Variants in LRIG1 observed in about 807,000 individuals in gnomAD.
The protein encoded by LRIG1 is leucine rich repeats and immunoglobulin like domains 1.
In LRIG1, 48 loss-of-function variants were observed where a neutral mutation model predicts 99.2. The observed-to-expected ratio is 0.48, with a 90% CI of 0.38 to 0.62. The LOEUF (loss-of-function observed/expected upper bound fraction) is 0.62. Ranked by LOEUF, LRIG1 falls within the 20% of genes least tolerant of loss-of-function variation. The pLI, the probability that LRIG1 is intolerant of heterozygous loss-of-function variation, is 0.00. For synonymous variants in LRIG1, 772 were observed against 596.1 expected (o/e 1.29, Z -4.30); for missense variants, 1,646 against 1,434.4 (o/e 1.15, Z -2.38).
intron 1 of LRIG1, among the ~76,000 whole-genome samples, chr3:66,481,524 C>CAA (rs1304994431): frequency 1.4e-5 from 2 of 140,876 alleles, no homozygotes; most frequent in African/African-American, 6.5e-5. Flanking sequence ...TTTATGTACA[C>CAA]ACACACACAC....
rs531419157 is a variant in LRIG1, at chr3:66,481,554, C to T, written c.218+18636G>A. ...ACACACACACACGTGTATACACACA[C>T]GCATGCACACAGAATTAAGTATTTC... On this transcript the variant is annotated intron_variant, in intron 1 of 18. Coordinates refer to ENST00000273261, the MANE Select transcript of LRIG1 (RefSeq NM_015541.3). Among the ~76,000 whole-genome samples, 135 of 152,232 alleles carry T rather than the reference C, an allele frequency of 8.9e-4. 1 individual carries two copies. Among genetic ancestry groups the T allele is most frequent in the Non-Finnish European group, 1.6e-3 (111 of 68,024 alleles).
intron 5 of LRIG1, 95 bp downstream of exon 5, chr3:66,414,825 A>T: frequency 8.0e-7 from 1 of 1,242,754 alleles, no homozygotes; most frequent in South Asian, 2.0e-5. Flanking sequence ...CAAATGGAGC[A>T]AGGAAAGGGT....
chr3:66,396,846 C>G (rs1236178480), intron 11 of LRIG1, among the ~76,000 whole-genome samples: 1 of 152,230 alleles, frequency 6.6e-6, no homozygotes, highest in African/African-American at 2.4e-5. Context: ...CTTCTACAAC[C>G]AATGTTTCAT....
chr3:66,422,638 T>C (rs541752061), intron 3 of LRIG1, among the ~76,000 whole-genome samples: 2 of 152,342 alleles, frequency 1.3e-5, no homozygotes, highest in South Asian at 4.1e-4. Flanking sequence ...TTCCCACATC[T>C]TCCTGCCTTC....
In LRIG1 at chr3:66,379,418, A is replaced by G. The variant is rs529960014; in HGVS notation, c.*845T>C. 6.6e-6 allele frequency: 1 copy of G among 152,334 alleles called. No individual in the cohort carries two copies. Among genetic ancestry groups the G allele is most frequent in the Middle Eastern group, 3.4e-3 (1 of 294 alleles). The allele number at this position is 152,334 out of a possible 1,614,324, so 9.4% of individuals were successfully genotyped here. A position where few individuals can be genotyped will look rare whatever the true frequency, so the allele number is the denominator to read the frequency against. ...TATAGAAAAATCCACAGGTACCAAC[A>G]CCAGCAGCCTTTACCTTAATTTAAA... On this transcript the variant is annotated 3_prime_UTR_variant, in exon 19 of 19. Transcript: ENST00000273261.
chr3:66,418,083 T>C (rs533374768), intron 3 of LRIG1, among the ~76,000 whole-genome samples: 1 of 151,540 alleles, frequency 6.6e-6, no homozygotes, highest in East Asian at 1.9e-4. Flanking sequence ...TTGTGTTTTT[T>C]TTTTGTTTTG....
At chr3:66,470,124 T>C (rs755128687) in intron 1 of LRIG1, among the ~76,000 whole-genome samples, 3 of 152,134 alleles carry the variant, frequency 2.0e-5, no homozygotes, top group Admixed American at 6.5e-5. Flanking sequence ...TTGAAAATAA[T>C]CGGAGGGCCA....
chr3:66,428,603 G>A (rs1275506195), intron 3 of LRIG1, among the ~76,000 whole-genome samples: 2 of 152,200 alleles, frequency 1.3e-5, no homozygotes, highest in Non-Finnish European at 2.9e-5. Flanking sequence ...ATTAAGATGA[G>A]ACATTTTTCA....
Position 66,490,978 on chromosome 3 carries a change from TG to T in LRIG1, c.218+9211del, listed in dbSNP as rs547941085. ...CCCCCTCACCAACAAAGTACCGGAC[TG>T]AGGAGAAATTAAACTATGGACTTTT... is the stretch of plus-strand genomic sequence containing the variant. On this transcript the variant is annotated intron_variant, in intron 1 of 18. Transcript: ENST00000273261. Among the ~76,000 whole-genome samples the T allele has an allele frequency of 5.3e-5, 8 of 152,320 alleles. No individual in the cohort carries two copies. The South Asian group carries it at 1.4e-3, about 28-fold the overall frequency.
intron 3 of LRIG1, among the ~76,000 whole-genome samples, chr3:66,445,191 G>A (rs1002257670): frequency 6.6e-6 from 1 of 151,650 alleles, no homozygotes; most frequent in Non-Finnish European, 1.5e-5. Context: ...TCATTTTATT[G>A]CCAGAGCAAT....
chr3:66,440,726 G>T (rs539136655), intron 3 of LRIG1, among the ~76,000 whole-genome samples: 1 of 152,168 alleles, frequency 6.6e-6, no homozygotes, highest in African/African-American at 2.4e-5. Flanking sequence ...AACACTCAGT[G>T]CACGTTCAGT....
Position 66,386,072 on chromosome 3 carries a change from C to G in LRIG1, c.1698G>C (p.Gln566His). The G allele has an allele frequency of 6.2e-7, 1 of 1,614,184 alleles. No homozygotes were observed. The highest frequency in any genetic ancestry group is 1.3e-5 in the African/African-American group (1 of 75,030). ...MEYTTILHLR[Q>H]VTFGHEGRYQ... ...AGCGGCCCTCGTGCCCGAAAGTGAC[C>G]TGACGGAGGTGCAGGATGGTGGTGT... Residue 566 changes from glutamine (Q) to histidine (H), a missense_variant, in exon 13 of 19, where the codon CAG (glutamine) becomes CAC (histidine). Coordinates refer to ENST00000273261, the MANE Select transcript of LRIG1 (RefSeq NM_015541.3).
At chr3:66,462,612 GC>G in intron 1 of LRIG1, 103 bp from the exon 2 acceptor site, 1 of 767,352 alleles carries the variant, frequency 1.3e-6, no homozygotes, top group Non-Finnish European at 2.2e-6. Context: ...TCAAATCCAA[GC>G]CCCCATCCCA....
In LRIG1 at chr3:66,405,197, C is replaced by T; in HGVS notation, c.1160+1G>A. On this transcript the variant is annotated splice_donor_variant, in intron 9 of 18. Transcript: ENST00000273261. LOFTEE classifies it high-confidence loss of function. ...CGGAGCTCCGTGCGGCGGATACTCA[C>T]AGCTTGCTGAGGCTGTCGAGCCCTG... is the stretch of plus-strand genomic sequence containing the variant. The T allele has an allele frequency of 6.2e-7, 1 of 1,614,044 alleles. No individual in the cohort carries two copies. The highest frequency in any genetic ancestry group is 1.1e-5 in the South Asian group (1 of 91,086).
intron 1 of LRIG1, among the ~76,000 whole-genome samples, chr3:66,466,900 C>T (rs1700484347): frequency 6.6e-6 from 1 of 152,196 alleles, no homozygotes; most frequent in Non-Finnish European, 1.5e-5. Context: ...TAGTTACTGC[C>T]AATTGCAGCT....
At chr3:66,424,229 A>AC (rs774866979) in intron 3 of LRIG1, among the ~76,000 whole-genome samples, 1 of 151,156 alleles carries the variant, frequency 6.6e-6, no homozygotes, top group Non-Finnish European at 1.5e-5. Context: ...TCTGGATGAC[A>AC]CCCCCCACCC....
chr3:66,380,917 C>T (rs569907502), intron 17 of LRIG1, 56 bp from the exon 18 acceptor site: 2 of 1,572,222 alleles, frequency 1.3e-6, no homozygotes, highest in South Asian at 1.2e-5. Context: ...TCTTCGTCCC[C>T]ACACAGAGGA....
chr3:66,402,056 A>C (rs1349838406), intron 9 of LRIG1, among the ~76,000 whole-genome samples: 1 of 152,094 alleles, frequency 6.6e-6, no homozygotes, highest in Non-Finnish European at 1.5e-5. Flanking sequence ...GGCTGCGCTC[A>C]CATCAGCTCT....
rs375296212 is a variant in LRIG1 at position 66,389,311 on chromosome 3, C to T, written c.1469-3010G>A. On this transcript the variant is annotated intron_variant, in intron 12 of 18. Transcript: ENST00000273261. Reference sequence around the variant, plus strand: ...AAAAAACTAGTCAGTATTGGAAAAACAATGAAACAAAAAGATAGGACACAT... The same window carrying T: ...AAAAAACTAGTCAGTATTGGAAAAATAATGAAACAAAAAGATAGGACACAT... Among the ~76,000 whole-genome samples, 7 of 151,646 alleles carry T rather than the reference C, an allele frequency of 4.6e-5. No individual in the cohort carries two copies. The East Asian group carries it at 1.2e-3, about 25-fold the overall frequency.
Sources: gnomAD v4.1 joint callset for allele counts (sites outside exome capture counted in the v4.1 genomes callset) on GRCh38, gnomAD v4.1.1 for gene constraint, MANE v1.5 for transcripts, NCBI Gene and HGNC (gene_info 2026-07-23, HGNC 2026-07-21) for gene names.